Variants in EHBP1 observed in about 807,000 individuals in gnomAD.
EHBP1 encodes the protein EH domain binding protein 1, also known as EH domain-binding protein 1.
EHBP1 carries 55 observed loss-of-function variants against 144.0 expected under a neutral mutation model. The observed-to-expected ratio is 0.38, with a 90% CI of 0.31 to 0.48. The LOEUF (loss-of-function observed/expected upper bound fraction) is 0.48. Ranked by LOEUF, EHBP1 falls within the 20% of genes least tolerant of loss-of-function variation. The pLI, the probability that EHBP1 is intolerant of heterozygous loss-of-function variation, is 0.98. For missense variants in EHBP1, 1,200 were observed against 1,364.2 expected (o/e 0.88, Z 1.90); for synonymous variants, 469 against 472.7 (o/e 0.99, Z 0.10).
At chr2:62,861,028 A>T (rs2049484524) in intron 8 of EHBP1, among the ~76,000 whole-genome samples, 1 of 150,086 alleles carries the variant, frequency 6.7e-6, no homozygotes, top group African/African-American at 2.4e-5. Context: ...AAACAGAAGT[A>T]TTTGGGGAAG....
chr2:62,993,442 T>G, intron 16 of EHBP1, 88 bp from the exon 17 acceptor site: 1 of 1,223,794 alleles, frequency 8.2e-7, no homozygotes, highest in Non-Finnish European at 1.1e-6. Flanking sequence ...ATCAGTGTTA[T>G]CTTAAATCAG....
At chr2:62,985,479 A>G (rs985529582) in intron 15 of EHBP1, among the ~76,000 whole-genome samples, 20 of 152,208 alleles carry the variant, frequency 1.3e-4, no homozygotes, top group African/African-American at 4.8e-4. Flanking sequence ...TGTTAAATTA[A>G]TCTTCTAAAG....
chr2:62,935,543 A>G (rs1377235040), intron 10 of EHBP1, among the ~76,000 whole-genome samples: 1 of 151,958 alleles, frequency 6.6e-6, no homozygotes, highest in African/African-American at 2.4e-5. Flanking sequence ...TTGGTTTTGT[A>G]CATTGATTTT....
intron 7 of EHBP1, among the ~76,000 whole-genome samples, chr2:62,837,782 A>G (rs1223865995): frequency 2.0e-5 from 3 of 152,178 alleles, no homozygotes; most frequent in African/African-American, 7.2e-5. Context: ...TTCAAAAAGA[A>G]GAGCTAATTA....
chr2:62,894,664 A>G (rs532628228), intron 10 of EHBP1, among the ~76,000 whole-genome samples: 2 of 152,324 alleles, frequency 1.3e-5, no homozygotes, highest in Admixed American at 1.3e-4. Context: ...AATATTTTAT[A>G]TATGATTGCT....
chr2:62,687,113 A>G (rs1395075088), intron 1 of EHBP1, among the ~76,000 whole-genome samples: 3 of 152,242 alleles, frequency 2.0e-5, no homozygotes, highest in East Asian at 3.8e-4. Context: ...TGAAGCAGAC[A>G]TAAATCCTCT....
chr2:63,029,986 C>T (rs2061164147), intron 19 of EHBP1, among the ~76,000 whole-genome samples: 1 of 152,150 alleles, frequency 6.6e-6, no homozygotes, highest in Non-Finnish European at 1.5e-5. Context: ...CCACCTCAGC[C>T]TCCCAAAGTG....
chr2:62,739,156 A>G (rs1342996443), intron 2 of EHBP1, among the ~76,000 whole-genome samples: 1 of 152,230 alleles, frequency 6.6e-6, no homozygotes, highest in Non-Finnish European at 1.5e-5. Flanking sequence ...AGATGATGCA[A>G]CCAGAAAAAA....
At chr2:62,936,230 G>T (rs1336135968) in intron 10 of EHBP1, among the ~76,000 whole-genome samples, 1 of 152,040 alleles carries the variant, frequency 6.6e-6, no homozygotes, top group African/African-American at 2.4e-5. Flanking sequence ...AAGCCAACTG[G>T]AATATTCTTT....
intron 2 of EHBP1, among the ~76,000 whole-genome samples, chr2:62,729,615 T>TAAATA (rs1307512493): frequency 5.1e-4 from 69 of 134,886 alleles, no homozygotes; most frequent in East Asian, 8.1e-4. Flanking sequence ...AATATAATAA[T>TAAATA]AAATAAAATA....
chr2:63,038,844 A>G (rs2061547273), intron 21 of EHBP1, 28 bp downstream of exon 21: 1 of 1,590,216 alleles, frequency 6.3e-7, no homozygotes, highest in Non-Finnish European at 8.6e-7. Context: ...GGGGTGAGGT[A>G]TGTGACGTGT....
rs543152546 is a variant in EHBP1, at chr2:62,759,863, T to C, written c.163-4403T>C. On this transcript the variant is annotated intron_variant, in intron 3 of 22. Coordinates refer to ENST00000431489, the MANE Select transcript of EHBP1 (RefSeq NM_001142616.3). ...AGATTACCACTGTTTGAGGTAAAAG[T>C]TGTAGTAAATTCTTAGAAAACAGTA... Among the ~76,000 whole-genome samples the C allele has an allele frequency of 7.0e-4, 107 of 152,338 alleles. 1 individual carries two copies. Among genetic ancestry groups the C allele is most frequent in the African/African-American group, 2.5e-3 (105 of 41,582 alleles).
At chr2:62,856,873 T>C (rs2049104623) in intron 7 of EHBP1, among the ~76,000 whole-genome samples, 1 of 152,168 alleles carries the variant, frequency 6.6e-6, no homozygotes, top group Non-Finnish European at 1.5e-5. Context: ...TAGTGGAAAG[T>C]ATGCTAGGTT....
At chr2:62,925,931 C>A (rs1435189149) in intron 10 of EHBP1, among the ~76,000 whole-genome samples, 1 of 152,004 alleles carries the variant, frequency 6.6e-6, no homozygotes, top group Non-Finnish European at 1.5e-5. Flanking sequence ...CCACAAAAGA[C>A]CTCAAATAGC....
intron 10 of EHBP1, among the ~76,000 whole-genome samples, chr2:62,874,823 T>TAAG: frequency 6.6e-6 from 1 of 151,974 alleles, no homozygotes; most frequent in South Asian, 2.1e-4. Context: ...GGATACTCTA[T>TAAG]AACTATAGGA....
chr2:62,899,626 A>G (rs555589971), intron 10 of EHBP1, among the ~76,000 whole-genome samples: 1 of 152,344 alleles, frequency 6.6e-6, no homozygotes, highest in African/African-American at 2.4e-5. Context: ...CAGATATATT[A>G]CATGCATATA....
chr2:62,814,358 T>G (rs2045286202), intron 5 of EHBP1, among the ~76,000 whole-genome samples: 1 of 152,246 alleles, frequency 6.6e-6, no homozygotes, highest in Non-Finnish European at 1.5e-5. Context: ...TGCTGGCCCC[T>G]TGACATTGAA....
intron 15 of EHBP1, among the ~76,000 whole-genome samples, chr2:62,986,386 A>G (rs1485216550): frequency 6.7e-6 from 1 of 148,860 alleles, no homozygotes; most frequent in Non-Finnish European, 1.5e-5. Context: ...TTTTATCTCT[A>G]TGCTTTTTTG....
At chr2:62,890,899 G>A (rs1447705204) in intron 10 of EHBP1, among the ~76,000 whole-genome samples, 4 of 152,154 alleles carry the variant, frequency 2.6e-5, no homozygotes, top group African/African-American at 7.2e-5. Context: ...AAGAAGCCTG[G>A]GCTGGGCACG....
Sources: allele counts gnomAD v4.1 joint callset (sites outside exome capture counted in the v4.1 genomes callset), GRCh38; gene constraint gnomAD v4.1.1; transcripts MANE v1.5; gene names NCBI Gene and HGNC (gene_info 2026-07-23, HGNC 2026-07-21).